The following CELF4 variants were observed in gnomAD, a reference collection of about 807,000 sequenced individuals.
The protein encoded by CELF4 is CUG-BP- and ETR-3-like factor 4.
CELF4 carries 18 observed loss-of-function variants against 59.9 expected under a neutral mutation model. The observed-to-expected ratio is 0.30, with a 90% CI of 0.21 to 0.45. The LOEUF (loss-of-function observed/expected upper bound fraction) is 0.45. Among genes scored for constraint, CELF4 ranks in the 20% least tolerant of loss-of-function variants. The probability of loss-of-function intolerance (pLI) is 1.00; values close to 1 mark genes in which losing one functional copy is unlikely to be tolerated. For missense variants in CELF4, 456 were observed against 689.0 expected (o/e 0.66, Z 3.79); for synonymous variants, 261 against 267.1 (o/e 0.98, Z 0.22).
At chr18:37,494,411 G>T (rs1249448303) in intron 1 of CELF4, among the ~76,000 whole-genome samples, 3 of 152,226 alleles carry the variant, frequency 2.0e-5, no homozygotes, top group Admixed American at 6.5e-5. Flanking sequence ...GCTTGCAGAA[G>T]TGAAGCCTGC....
intron 2 of CELF4, among the ~76,000 whole-genome samples, chr18:37,369,290 A>G (rs2154564192): frequency 6.6e-6 from 1 of 152,252 alleles, no homozygotes; most frequent in East Asian, 1.9e-4. Context: ...CTCAGGGTCT[A>G]CTGGGACCCA....
At chr18:37,505,570 G>A (rs1457735277) in intron 1 of CELF4, among the ~76,000 whole-genome samples, 1 of 152,130 alleles carries the variant, frequency 6.6e-6, no homozygotes, top group Admixed American at 6.5e-5. Context: ...TAAGGTGAGT[G>A]CCCTTCTCCC....
intron 2 of CELF4, among the ~76,000 whole-genome samples, chr18:37,423,443 G>T (rs745569661): frequency 1.8e-4 from 27 of 152,114 alleles, no homozygotes; most frequent in Non-Finnish European, 3.2e-4. Flanking sequence ...GTCAAAGGTG[G>T]GCTTAGGAGG....
chr18:37,436,690 C>A (rs1486838028), intron 2 of CELF4, among the ~76,000 whole-genome samples: 1 of 152,200 alleles, frequency 6.6e-6, no homozygotes, highest in Non-Finnish European at 1.5e-5. Flanking sequence ...GAAACTGTTC[C>A]TGCAGCCCTT....
chr18:37,498,512 C>T (rs2099927776), intron 1 of CELF4, among the ~76,000 whole-genome samples: 1 of 147,972 alleles, frequency 6.8e-6, no homozygotes, highest in Admixed American at 6.7e-5. Flanking sequence ...CCTGACTCCT[C>T]CCTCTTCCCT....
At chr18:37,330,148 T>A (rs1163342344) in intron 2 of CELF4, among the ~76,000 whole-genome samples, 1 of 152,212 alleles carries the variant, frequency 6.6e-6, no homozygotes, top group African/African-American at 2.4e-5. Context: ...AAGGTGGGTT[T>A]ACTCTCCAGA....
At chr18:37,418,983 G>A (rs760061761) in intron 2 of CELF4, among the ~76,000 whole-genome samples, 2 of 152,170 alleles carry the variant, frequency 1.3e-5, no homozygotes, top group African/African-American at 2.4e-5. Context: ...AGGTGCACAT[G>A]GTAGGTGTAC....
intron 2 of CELF4, among the ~76,000 whole-genome samples, chr18:37,413,325 C>T (rs960206221): frequency 3.3e-5 from 5 of 152,066 alleles, no homozygotes; most frequent in Admixed American, 1.3e-4. Context: ...TAGGTGTGTT[C>T]ACCTATGTCG....
intron 1 of CELF4, among the ~76,000 whole-genome samples, chr18:37,535,581 CCT>C (rs1162113215): frequency 2.6e-5 from 4 of 152,168 alleles, no homozygotes; most frequent in African/African-American, 9.7e-5. Context: ...TACACGCTCC[CCT>C]GTGTGCACAT....
intron 2 of CELF4, among the ~76,000 whole-genome samples, chr18:37,430,679 G>C (rs1383031964): frequency 6.6e-6 from 1 of 152,222 alleles, no homozygotes; most frequent in African/African-American, 2.4e-5. Flanking sequence ...AATGGGGGGA[G>C]CACTGAGCAG....
chr18:37,353,657 G>A (rs1204855434), intron 2 of CELF4, among the ~76,000 whole-genome samples: 3 of 148,984 alleles, frequency 2.0e-5, no homozygotes, highest in African/African-American at 7.5e-5. Flanking sequence ...GGAAAGGTGG[G>A]GGACTGGGGA....
chr18:37,298,873 T>C (rs1304024065), intron 3 of CELF4, among the ~76,000 whole-genome samples: 1 of 152,190 alleles, frequency 6.6e-6, no homozygotes, highest in East Asian at 1.9e-4. Flanking sequence ...TAACATGCTG[T>C]AGTCATGGCT....
At chr18:37,414,341 T>C (rs904651933) in intron 2 of CELF4, among the ~76,000 whole-genome samples, 3 of 151,626 alleles carry the variant, frequency 2.0e-5, no homozygotes, top group Admixed American at 6.6e-5. Context: ...CATCCATCCA[T>C]CTATCTACCC....
chr18:37,334,725 C>T (rs982761710), intron 2 of CELF4, among the ~76,000 whole-genome samples: 3 of 151,854 alleles, frequency 2.0e-5, no homozygotes, highest in Non-Finnish European at 2.9e-5. Context: ...TGCCCTGACC[C>T]GGGGGGGACA....
At chr18:37,406,215 G>A (rs2099388230) in intron 2 of CELF4, among the ~76,000 whole-genome samples, 1 of 152,030 alleles carries the variant, frequency 6.6e-6, no homozygotes, top group Admixed American at 6.5e-5. Context: ...GTCCCTGGTT[G>A]GCTTTAAAGG....
chr18:37,414,243 T>TATCC (rs1366599153), intron 2 of CELF4, among the ~76,000 whole-genome samples: 17 of 126,060 alleles, frequency 1.3e-4, no homozygotes, highest in African/African-American at 4.1e-4. Context: ...TCTATCTATC[T>TATCC]ATCCATCCAT....
chr18:37,408,497 G>A (rs1209056535), intron 2 of CELF4, among the ~76,000 whole-genome samples: 17 of 80,546 alleles, frequency 2.1e-4, no homozygotes, highest in Non-Finnish European at 3.7e-4. Context: ...GGTGCCGGGG[G>A]GGGGCGCGGT....
chr18:37,434,638 A>G (rs767589196), intron 2 of CELF4, among the ~76,000 whole-genome samples: 4 of 152,190 alleles, frequency 2.6e-5, no homozygotes, highest in Admixed American at 6.5e-5. Context: ...CAGCTGCACC[A>G]GGAACCAGGG....
chr18:37,312,879 G>A (rs2096726219), intron 3 of CELF4, among the ~76,000 whole-genome samples: 1 of 152,168 alleles, frequency 6.6e-6, no homozygotes, highest in Non-Finnish European at 1.5e-5. Flanking sequence ...GCTGTGGAAG[G>A]GCTATGGTGA....
Sources: allele counts gnomAD v4.1 joint callset (sites outside exome capture counted in the v4.1 genomes callset), GRCh38; gene constraint gnomAD v4.1.1; transcripts MANE v1.5; gene names NCBI Gene and HGNC (gene_info 2026-07-23, HGNC 2026-07-21).